Variants in TRHDE observed in about 807,000 individuals in gnomAD.
TRHDE encodes thyrotropin releasing hormone degrading enzyme.
TRHDE carries 72 observed loss-of-function variants against 125.7 expected under a neutral mutation model. The observed-to-expected ratio is 0.57, with a 90% CI of 0.47 to 0.70. TRHDE has a LOEUF of 0.70. Among genes scored for constraint, TRHDE ranks in the 30% least tolerant of loss-of-function variants. The pLI is 0.00. For missense variants in TRHDE, 1,110 were observed against 1,327.1 expected, an observed-to-expected ratio of 0.84 and a Z score of 2.54; for synonymous variants, 509 against 509.1, an observed-to-expected ratio of 1.00 and a Z score of 0.00.
At chr12:72,270,800 C>T (rs1205057601), upstream of TRHDE, among the ~76,000 whole-genome samples, 2 of 152,070 alleles carry the variant, frequency 1.3e-5, no homozygotes, top group African/African-American at 4.8e-5. Flanking sequence ...GTTGGATATC[C>T]CACATACTTA....
At chr12:72,503,916 C>T (rs1878255528) in intron 6 of TRHDE, among the ~76,000 whole-genome samples, 1 of 152,146 alleles carries the variant, frequency 6.6e-6, no homozygotes, top group South Asian at 2.1e-4. Context: ...GGTATTCTGA[C>T]TGGTCAGTGA....
chr12:72,427,751 T>G (rs868682607), intron 3 of TRHDE, among the ~76,000 whole-genome samples: 1 of 152,180 alleles, frequency 6.6e-6, no homozygotes, highest in African/African-American at 2.4e-5. Context: ...ATCTGCCATC[T>G]GAGATTGAGA....
In TRHDE at chr12:72,090,859, A is replaced by AT. The variant is rs879731128; in HGVS notation, n.174+3433dup. ...CAAAGATTGGATTTATTTCCCTTGG[A>AT]TTTTTTTTTTTTTAAGGGACAGTCT... On this transcript the variant is annotated intron_variant and non_coding_transcript_variant, in intron 1 of 4. Transcript: ENST00000548156. Among the ~76,000 whole-genome samples the AT allele has an allele frequency of 2.3e-3, 331 of 142,428 alleles. 1 individual carries two copies. Among genetic ancestry groups the AT allele is most frequent in the South Asian group, 5.1e-3 (23 of 4,486 alleles). 93.4% of individuals were successfully genotyped at this position (142,428 alleles called of 152,430 possible).
chr12:72,273,829 G>A lies in TRHDE; in HGVS notation c.914+272G>A, dbSNP rs2139408619. 2.4e-6 allele frequency: 1 copy of A among 420,744 alleles called. No homozygotes were observed. The highest frequency in any genetic ancestry group is 3.5e-5 in the East Asian group (1 of 28,852). The allele number at this position is 420,744 out of a possible 1,614,324, so 26.1% of individuals were successfully genotyped here. Reference sequence around the variant, plus strand: ...GTCGGGACCTCTCCTCTTCCTGTCAGAGTTCCTTAGCCATCGAAACGCAGG... The same window carrying A: ...GTCGGGACCTCTCCTCTTCCTGTCAAAGTTCCTTAGCCATCGAAACGCAGG... On this transcript the variant is annotated intron_variant, in intron 1 of 18. Transcript: ENST00000261180. This position sits in a 1 kb window ranked among gnomAD's most constrained non-coding sequence, Gnocchi z 5.3.
intron 2 of TRHDE, among the ~76,000 whole-genome samples, chr12:72,298,574 G>A (rs575169788): frequency 1.4e-3 from 214 of 152,236 alleles, no homozygotes; most frequent in African/African-American, 5.1e-3. Flanking sequence ...GAGGTAGAAT[G>A]TTGTGTAATA....
intron 12 of TRHDE, among the ~76,000 whole-genome samples, chr12:72,588,863 C>T (rs1023476746): frequency 2.2e-4 from 34 of 152,020 alleles, no homozygotes; most frequent in African/African-American, 8.2e-4. Context: ...AGGAAACTTA[C>T]AATCATGGTG....
chr12:72,206,160 C>G (rs1877660921), intron 2 of TRHDE, among the ~76,000 whole-genome samples: 2 of 149,966 alleles, frequency 1.3e-5, no homozygotes, highest in South Asian at 4.2e-4. Flanking sequence ...TATCTGGGCT[C>G]ACTGCAACGT....
At chr12:72,603,617 A>C (rs565177702) in intron 12 of TRHDE, among the ~76,000 whole-genome samples, 10 of 151,852 alleles carry the variant, frequency 6.6e-5, no homozygotes, top group East Asian at 3.9e-4. Flanking sequence ...CCCAGCTACT[A>C]GGGAGGCTGA....
intron 6 of TRHDE, among the ~76,000 whole-genome samples, chr12:72,511,053 A>G (rs1424066656): frequency 4.6e-5 from 7 of 152,190 alleles, no homozygotes; most frequent in Non-Finnish European, 5.9e-5. Flanking sequence ...TTCAGTTAAT[A>G]TAAGAAAGAA....
intron 3 of TRHDE, among the ~76,000 whole-genome samples, chr12:72,410,836 AC>A (rs1390405595): frequency 6.6e-6 from 1 of 151,938 alleles, no homozygotes; most frequent in Non-Finnish European, 1.5e-5. Context: ...AGTCAACATT[AC>A]ATGGGAAGCC....
At chr12:72,532,127 T>A in intron 6 of TRHDE, among the ~76,000 whole-genome samples, 1 of 152,040 alleles carries the variant, frequency 6.6e-6, no homozygotes, top group East Asian at 1.9e-4. Context: ...ATTTTCTCCA[T>A]GAAAACTCTG....
chr12:72,562,607 A>C (rs1426972783), intron 8 of TRHDE, among the ~76,000 whole-genome samples: 1 of 152,062 alleles, frequency 6.6e-6, no homozygotes, highest in Non-Finnish European at 1.5e-5. Context: ...ATTTGCTTTA[A>C]TAATAACATT....
chr12:72,243,893 C>A (rs1319615725), intron 2 of TRHDE, among the ~76,000 whole-genome samples: 1 of 152,104 alleles, frequency 6.6e-6, no homozygotes, highest in Non-Finnish European at 1.5e-5. Flanking sequence ...ATATTTTTAG[C>A]TTTATCCTCT....
intron 6 of TRHDE, among the ~76,000 whole-genome samples, chr12:72,518,637 C>A (rs1456504753): frequency 1.3e-5 from 2 of 151,934 alleles, no homozygotes; most frequent in Non-Finnish European, 2.9e-5. Context: ...AGCATTTAGT[C>A]CATTTACATT....
chr12:72,535,292 G>A (rs1868798086), intron 6 of TRHDE, among the ~76,000 whole-genome samples: 1 of 152,006 alleles, frequency 6.6e-6, no homozygotes, highest in South Asian at 2.1e-4. Context: ...GACAGAACCA[G>A]GACTCTTAGC....
chr12:72,415,680 T>C (rs964395813), intron 3 of TRHDE, among the ~76,000 whole-genome samples: 42 of 151,916 alleles, frequency 2.8e-4, no homozygotes, highest in African/African-American at 9.7e-4. Flanking sequence ...CTTAACACAA[T>C]ATGCTCCAGT....
intron 6 of TRHDE, among the ~76,000 whole-genome samples, chr12:72,523,257 T>C (rs894180051): frequency 3.3e-5 from 5 of 152,132 alleles, no homozygotes; most frequent in African/African-American, 1.2e-4. Flanking sequence ...TTAATTGTTT[T>C]AAAATGAAAA....
At chr12:72,269,599 C>T (rs1480321040), upstream of TRHDE, among the ~76,000 whole-genome samples, 7 of 151,996 alleles carry the variant, frequency 4.6e-5, no homozygotes, top group Non-Finnish European at 4.4e-5. Flanking sequence ...GACTGAGAAC[C>T]GTGAGTGAGG....
At chr12:72,523,094 CA>C (rs1264597224) in intron 6 of TRHDE, among the ~76,000 whole-genome samples, 1 of 151,946 alleles carries the variant, frequency 6.6e-6, no homozygotes, top group Admixed American at 6.6e-5. Flanking sequence ...AGGCAGAAGC[CA>C]TGATGTTGCT....
Sources: allele counts gnomAD v4.1 joint callset (sites outside exome capture counted in the v4.1 genomes callset), GRCh38; gene constraint gnomAD v4.1.1; non-coding constraint Gnocchi (gnomAD v3.1); transcripts MANE v1.5; gene names NCBI Gene and HGNC (gene_info 2026-07-23, HGNC 2026-07-21).